Variants in TTLL11 observed in about 807,000 individuals in gnomAD.
TTLL11 encodes the protein tubulin polyglutamylase TTLL11.
Under a neutral mutation model 51.7 loss-of-function variants are expected in TTLL11, and 42 were observed. That is an observed-to-expected ratio of 0.81 (90% confidence interval 0.64 to 1.05). The LOEUF is 1.05. TTLL11 is among the 50% of genes least tolerant of loss of function. TTLL11 has a pLI of 0.00. For synonymous variants in TTLL11, 381 were observed against 383.5 expected, an observed-to-expected ratio of 0.99 and a Z score of 0.08; for missense variants, 799 against 940.4, an observed-to-expected ratio of 0.85 and a Z score of 1.97.
chr9:122,081,966 A>G (rs1181999466), intron 1 of TTLL11, among the ~76,000 whole-genome samples: 1 of 152,250 alleles, frequency 6.6e-6, no homozygotes, highest in African/African-American at 2.4e-5. Flanking sequence ...TTATGCAAAA[A>G]GTTTAACCTT....
chr9:121,943,694 A>G (rs1397427128), intron 6 of TTLL11, among the ~76,000 whole-genome samples: 1 of 152,198 alleles, frequency 6.6e-6, no homozygotes, highest in African/African-American at 2.4e-5. Context: ...CAAGAAAAAC[A>G]TGATGTCTCA....
intron 6 of TTLL11, among the ~76,000 whole-genome samples, chr9:121,952,802 G>A (rs1841893149): frequency 6.6e-6 from 1 of 152,114 alleles, no homozygotes; most frequent in African/African-American, 2.4e-5. Flanking sequence ...AGGGGGAACT[G>A]CTGCCTGCCT....
At chr9:121,897,214 A>G (rs1839557677) in intron 6 of TTLL11, among the ~76,000 whole-genome samples, 1 of 152,034 alleles carries the variant, frequency 6.6e-6, no homozygotes, top group African/African-American at 2.4e-5. Flanking sequence ...ATAAAACCAT[A>G]CTGGTTTTCC....
chr9:121,967,445 G>A (rs1323563149), intron 6 of TTLL11, among the ~76,000 whole-genome samples: 2 of 151,910 alleles, frequency 1.3e-5, no homozygotes, highest in African/African-American at 4.8e-5. Flanking sequence ...GGCTGGTCTC[G>A]AACTGCTGAC....
chr9:122,038,486 C>T (rs1844760725), intron 2 of TTLL11, among the ~76,000 whole-genome samples: 1 of 152,016 alleles, frequency 6.6e-6, no homozygotes, highest in East Asian at 1.9e-4. Flanking sequence ...CCTGTCTCTA[C>T]TAAAAATACA....
chr9:121,903,516 G>A (rs576668148), intron 6 of TTLL11, among the ~76,000 whole-genome samples: 1 of 152,128 alleles, frequency 6.6e-6, no homozygotes, highest in African/African-American at 2.4e-5. Flanking sequence ...GTGTGACTTG[G>A]GCAAGTTCAC....
intron 3 of TTLL11, among the ~76,000 whole-genome samples, chr9:122,013,490 C>T (rs1328854586): frequency 6.6e-6 from 1 of 152,136 alleles, no homozygotes; most frequent in Non-Finnish European, 1.5e-5. Context: ...GAAATGGCGG[C>T]AAGGGCAACA....
At chr9:122,017,432 A>G (rs1030191086) in intron 3 of TTLL11, among the ~76,000 whole-genome samples, 2 of 151,594 alleles carry the variant, frequency 1.3e-5, no homozygotes, top group African/African-American at 2.4e-5. Flanking sequence ...GAACCAAAAA[A>G]TATGAGAATA....
chr9:122,009,599 A>G (rs930595544), intron 3 of TTLL11, among the ~76,000 whole-genome samples: 1 of 151,778 alleles, frequency 6.6e-6, no homozygotes, highest in African/African-American at 2.4e-5. Context: ...AACACTATAT[A>G]TAAGTAGATA....
chr9:121,917,963 G>A (rs536721475), intron 6 of TTLL11, among the ~76,000 whole-genome samples: 1 of 149,718 alleles, frequency 6.7e-6, no homozygotes, highest in South Asian at 2.1e-4. Context: ...ACTATAAAAA[G>A]TAGGCATTTT....
chr9:121,883,166 G>T (rs756477284), intron 6 of TTLL11, among the ~76,000 whole-genome samples: 6 of 152,108 alleles, frequency 3.9e-5, no homozygotes, highest in Non-Finnish European at 5.9e-5. Flanking sequence ...AATAATTTAT[G>T]GTGATGAGAA....
intron 6 of TTLL11, among the ~76,000 whole-genome samples, chr9:121,933,502 T>A (rs1239763608): frequency 6.6e-6 from 1 of 152,164 alleles, no homozygotes; most frequent in Non-Finnish European, 1.5e-5. Context: ...CTCTGTCTAG[T>A]GTGGAGATCA....
At chr9:121,866,633 C>T (rs1838183480) in intron 7 of TTLL11, among the ~76,000 whole-genome samples, 1 of 141,090 alleles carries the variant, frequency 7.1e-6, no homozygotes, top group Non-Finnish European at 1.5e-5. Context: ...GTACTTCAGC[C>T]TGGGCAACAG....
Position 121,859,924 on chromosome 9 carries a change from C to T in TTLL11, c.1840+413G>A, listed in dbSNP as rs115454925. Among the ~76,000 whole-genome samples the T allele has an allele frequency of 3.7e-3, 566 of 152,320 alleles. 3 individuals carry two copies. The highest frequency in any genetic ancestry group is 0.013 in the African/African-American group (542 of 41,580). Reference sequence around the variant, plus strand: ...TAGCTTCTCTGAGCTTCTCTCCCTCCGAGCCAGGCATCCTACTACCTAGCA... The same window carrying T: ...TAGCTTCTCTGAGCTTCTCTCCCTCTGAGCCAGGCATCCTACTACCTAGCA... On this transcript the variant is annotated intron_variant, in intron 8 of 8. Transcript: ENST00000321582.
intron 6 of TTLL11, among the ~76,000 whole-genome samples, chr9:121,899,365 G>GTGTGTA (rs1226221957): frequency 8.8e-6 from 1 of 113,242 alleles, no homozygotes; most frequent in Admixed American, 1.0e-4. Context: ...ATGTGTGTGT[G>GTGTGTA]TATATATATA....
At chr9:121,931,662 G>A (rs1172000764) in intron 6 of TTLL11, among the ~76,000 whole-genome samples, 1 of 150,666 alleles carries the variant, frequency 6.6e-6, no homozygotes, top group Admixed American at 6.6e-5. Context: ...AAATGCCCAT[G>A]AACTATTTAA....
At chr9:121,892,670 T>G (rs1025779958) in intron 6 of TTLL11, among the ~76,000 whole-genome samples, 1 of 152,148 alleles carries the variant, frequency 6.6e-6, no homozygotes, top group Admixed American at 6.5e-5. Context: ...GAAATTTTAC[T>G]CTTACTGTCC....
At chr9:121,850,221 T>C (rs1334945931) in intron 8 of TTLL11, among the ~76,000 whole-genome samples, 1 of 152,174 alleles carries the variant, frequency 6.6e-6, no homozygotes, top group African/African-American at 2.4e-5. Context: ...TAGATATTCA[T>C]AGATATGGAT....
intron 6 of TTLL11, among the ~76,000 whole-genome samples, chr9:121,936,090 T>C (rs1235617873): frequency 6.6e-6 from 1 of 152,048 alleles, no homozygotes; most frequent in Non-Finnish European, 1.5e-5. Flanking sequence ...CAGTTAGATC[T>C]CCCTGCTTGG....
Sources: gnomAD v4.1 joint callset for allele counts (sites outside exome capture counted in the v4.1 genomes callset) on GRCh38, gnomAD v4.1.1 for gene constraint, MANE v1.5 for transcripts, NCBI Gene and HGNC (gene_info 2026-07-23, HGNC 2026-07-21) for gene names.